STXBP5L: variants seen among roughly 807,000 people sequenced by gnomAD.
STXBP5L encodes the protein syntaxin binding protein 5L.
STXBP5L carries 65 observed loss-of-function variants against 144.5 expected under a neutral mutation model. The observed-to-expected ratio is 0.45, with a 90% CI of 0.37 to 0.55. The LOEUF is 0.55. Ranked by LOEUF, STXBP5L falls within the 20% of genes least tolerant of loss-of-function variation. The pLI is 0.00. For synonymous variants in STXBP5L, 505 were observed against 469.6 expected, an observed-to-expected ratio of 1.08 and a Z score of -0.97; for missense variants, 1,298 against 1,405.5, an observed-to-expected ratio of 0.92 and a Z score of 1.22.
chr3:120,960,751 G>T (rs1268930934), intron 3 of STXBP5L, among the ~76,000 whole-genome samples: 5 of 152,016 alleles, frequency 3.3e-5, no homozygotes, highest in Non-Finnish European at 7.4e-5. Flanking sequence ...CACACCCTGG[G>T]GCCTGTTGTG....
rs1231886652 is a variant in STXBP5L at position 120,951,356 on chromosome 3, G to A, written c.190-3584G>A. On this transcript the variant is annotated intron_variant, in intron 2 of 26. Transcript: ENST00000471454. ...CACAGCAAAAGAAACTACCATCAGAGTGAACAGGCAACCCACAAAAATGGG... is the reference window on the plus strand; with the variant it reads ...CACAGCAAAAGAAACTACCATCAGAATGAACAGGCAACCCACAAAAATGGG... Among the ~76,000 whole-genome samples the A allele has an allele frequency of 3.3e-5, 5 of 152,102 alleles. No homozygotes were observed. The East Asian group carries it at 9.6e-4, about 29-fold the overall frequency.
intron 2 of STXBP5L, among the ~76,000 whole-genome samples, chr3:120,910,977 G>C (rs1025633224): frequency 1.3e-5 from 2 of 152,120 alleles, no homozygotes; most frequent in South Asian, 4.1e-4. Flanking sequence ...GTGGTTATGA[G>C]ACAAATGTAA....
At chr3:120,999,052 T>G (rs1419294162) in intron 3 of STXBP5L, among the ~76,000 whole-genome samples, 2 of 152,154 alleles carry the variant, frequency 1.3e-5, no homozygotes, top group Non-Finnish European at 2.9e-5. Context: ...ATTTCTGTTT[T>G]TGTTGTCCTA....
intron 2 of STXBP5L, among the ~76,000 whole-genome samples, chr3:120,929,255 T>C (rs1004183145): frequency 2.6e-5 from 4 of 152,180 alleles, no homozygotes; most frequent in African/African-American, 9.7e-5. Context: ...CTTCCCAGAC[T>C]GGTTGCTGCA....
intron 6 of STXBP5L, among the ~76,000 whole-genome samples, chr3:121,120,579 A>G (rs1282776182): frequency 6.6e-6 from 1 of 151,210 alleles, no homozygotes; most frequent in Non-Finnish European, 1.5e-5. Context: ...CCATTTTTAG[A>G]TGAAAATATT....
At chr3:120,985,383 A>G (rs1394127132) in intron 3 of STXBP5L, among the ~76,000 whole-genome samples, 1 of 152,050 alleles carries the variant, frequency 6.6e-6, no homozygotes, top group African/African-American at 2.4e-5. Context: ...ACATCAAGCT[A>G]CTTAACATAT....
chr3:121,241,387 ACACACAC>A (rs1434001750), intron 14 of STXBP5L, among the ~76,000 whole-genome samples: 8 of 143,614 alleles, frequency 5.6e-5, no homozygotes, highest in Admixed American at 5.5e-4. Flanking sequence ...ACACACACAC[ACACACAC>A]ACACACACAC....
At chr3:121,272,622 G>T (rs2050764725) in intron 18 of STXBP5L, among the ~76,000 whole-genome samples, 1 of 152,100 alleles carries the variant, frequency 6.6e-6, no homozygotes, top group Non-Finnish European at 1.5e-5. Flanking sequence ...TTAAAGTAAT[G>T]ATTAGTAGGT....
chr3:121,116,067 C>T (rs111329542), intron 6 of STXBP5L, among the ~76,000 whole-genome samples: 2,508 of 152,198 alleles, frequency 0.016, 66 homozygotes, highest in African/African-American at 0.057. Context: ...TGGGCAGGGA[C>T]AAATATCCAA....
At chr3:121,319,592 T>G (rs1303261113) in intron 20 of STXBP5L, among the ~76,000 whole-genome samples, 3 of 152,200 alleles carry the variant, frequency 2.0e-5, no homozygotes, top group Non-Finnish European at 4.4e-5. Context: ...GCATTCTCAT[T>G]GACACCAACC....
rs1187923189 is a variant in STXBP5L at position 121,323,749 on chromosome 3, C to CA, written c.2176+5211dup. On this transcript the variant is annotated intron_variant, in intron 20 of 26. Coordinates refer to ENST00000471454, the MANE Select transcript of STXBP5L (RefSeq NM_001308330.2). ...TGTTCATACTTTTTTAAAGGCTGTA[C>CA]AACCTTTTTTTTCTCACCAACTTGT... Among the ~76,000 whole-genome samples the CA allele has an allele frequency of 3.5e-5, 4 of 114,052 alleles. No homozygotes were observed. The East Asian group carries it at 1.2e-3, about 35-fold the overall frequency. 74.8% of individuals were successfully genotyped at this position (114,052 alleles called of 152,430 possible).
chr3:121,101,863 C>G (rs1461805890), intron 5 of STXBP5L, among the ~76,000 whole-genome samples: 1 of 152,044 alleles, frequency 6.6e-6, no homozygotes, highest in African/African-American at 2.4e-5. Context: ...GCTCGTGGAA[C>G]TGATGAGTTC....
rs1576315184 is a variant in STXBP5L at position 121,375,757 on chromosome 3, C to T, written c.2177-2959C>T. 2.6e-5 allele frequency among the ~76,000 whole-genome samples: 4 copies of T among 152,286 alleles called. No homozygotes were observed. In the South Asian group the frequency reaches 8.3e-4, roughly 32 times the overall value. Reference sequence around the variant, plus strand: ...AAATGTACAATTATACCTTTTCAAACTCTATAATACAGTAAGGCTATATTG... The same window carrying T: ...AAATGTACAATTATACCTTTTCAAATTCTATAATACAGTAAGGCTATATTG... On this transcript the variant is annotated intron_variant, in intron 20 of 26. Transcript: ENST00000471454.
intron 7 of STXBP5L, among the ~76,000 whole-genome samples, chr3:121,132,656 G>A (rs1368021579): frequency 6.6e-6 from 1 of 151,932 alleles, no homozygotes; most frequent in Admixed American, 6.6e-5. Flanking sequence ...ATAAGATAAT[G>A]GAAACCAACC....
chr3:121,011,114 C>A (rs775052351), intron 3 of STXBP5L, among the ~76,000 whole-genome samples: 1 of 149,752 alleles, frequency 6.7e-6, no homozygotes, highest in Non-Finnish European at 1.5e-5. Context: ...CTTTGTACTT[C>A]GCCGAGGTAG....
At chr3:121,303,651 G>A (rs1293142734) in intron 19 of STXBP5L, among the ~76,000 whole-genome samples, 1 of 152,144 alleles carries the variant, frequency 6.6e-6, no homozygotes, top group Non-Finnish European at 1.5e-5. Flanking sequence ...ATAATAGACT[G>A]GATTAAGAAA....
At chr3:121,030,912 G>T (rs550170840) in intron 3 of STXBP5L, among the ~76,000 whole-genome samples, 10 of 152,062 alleles carry the variant, frequency 6.6e-5, no homozygotes, top group African/African-American at 2.4e-4. Context: ...TGGATATTGG[G>T]TAACTTACTG....
chr3:121,109,156 T>A (rs1212248989), intron 5 of STXBP5L, among the ~76,000 whole-genome samples: 1 of 152,080 alleles, frequency 6.6e-6, no homozygotes, highest in African/African-American at 2.4e-5. Flanking sequence ...TAGGTAGCGG[T>A]CTATTTCATT....
rs147887046 is a variant in STXBP5L, at chr3:121,024,409, T to G, written c.288-17291T>G. On this transcript the variant is annotated intron_variant, in intron 3 of 26. Coordinates refer to ENST00000471454, the MANE Select transcript of STXBP5L (RefSeq NM_001308330.2). Reference sequence around the variant, plus strand: ...TCCTACCACTAAGGTAAAATCTTTTTGGGGTTACTACTGAATGCCTCTGGT... The same window carrying G: ...TCCTACCACTAAGGTAAAATCTTTTGGGGGTTACTACTGAATGCCTCTGGT... Among the ~76,000 whole-genome samples the G allele has an allele frequency of 2.4e-3, 367 of 152,256 alleles. 1 individual carries two copies. Among genetic ancestry groups the G allele is most frequent in the African/African-American group, 8.4e-3 (350 of 41,554 alleles).
Sources: gnomAD v4.1 joint callset for allele counts (sites outside exome capture counted in the v4.1 genomes callset) on GRCh38, gnomAD v4.1.1 for gene constraint, MANE v1.5 for transcripts, NCBI Gene and HGNC (gene_info 2026-07-23, HGNC 2026-07-21) for gene names.